Variants in GRK3 observed in about 807,000 individuals in gnomAD.
GRK3 encodes the protein G protein-coupled receptor kinase 3.
A neutral mutation model predicts 95.7 loss-of-function variants in GRK3; 54 were observed. The ratio of observed to expected loss-of-function variants is 0.56; its 90% CI spans 0.45 to 0.71. The LOEUF (loss-of-function observed/expected upper bound fraction) is 0.71, where lower values mean the gene tolerates loss of function less well. GRK3 is among the 30% of genes least tolerant of loss of function. The pLI is 0.00. For synonymous variants in GRK3, 281 were observed against 290.8 expected (o/e 0.97, Z 0.34); for missense variants, 649 against 851.2 (o/e 0.76, Z 2.96).
intron 15 of GRK3, among the ~76,000 whole-genome samples, chr22:25,709,129 C>T (rs926301299): frequency 3.3e-5 from 5 of 152,038 alleles, no homozygotes; most frequent in African/African-American, 1.2e-4. Context: ...GCTCCACCTC[C>T]CGGGTTCACG....
chr22:25,687,698 A>G lies in GRK3; in HGVS notation c.957+31A>G, dbSNP rs767850537. ...GACGATTGACAGACTCATTCTGCAT[A>G]GTAGGTATTGTGTGAATGGTCCTCT... On this transcript the variant is annotated intron_variant, in intron 11 of 20. Coordinates refer to ENST00000324198, the MANE Select transcript of GRK3 (RefSeq NM_005160.4). 5.6e-6 allele frequency: 9 copies of G among 1,612,928 alleles called. No individual in the cohort carries two copies. In the South Asian group the frequency reaches 9.9e-5, roughly 18 times the overall value.
chr22:25,636,520 T>C (rs1031033165), intron 2 of GRK3, among the ~76,000 whole-genome samples: 1 of 152,226 alleles, frequency 6.6e-6, no homozygotes, highest in Non-Finnish European at 1.5e-5. Context: ...TGCTAACTCA[T>C]ACTGCTGTGA....
chr22:25,651,749 G>T (rs1474174346), intron 3 of GRK3, among the ~76,000 whole-genome samples: 1 of 152,158 alleles, frequency 6.6e-6, no homozygotes, highest in Non-Finnish European at 1.5e-5. Context: ...AATAACAATT[G>T]TATAGTAGGG....
intron 2 of GRK3, among the ~76,000 whole-genome samples, chr22:25,624,564 T>TAAAAAC (rs547353306): frequency 9.9e-5 from 15 of 151,986 alleles, no homozygotes; most frequent in African/African-American, 2.7e-4. Flanking sequence ...ACTCCATCAT[T>TAAAAAC]AAAAACAAAA....
At chr22:25,673,255 G>T (rs1204499952) in intron 7 of GRK3, among the ~76,000 whole-genome samples, 2 of 151,760 alleles carry the variant, frequency 1.3e-5, no homozygotes, top group Non-Finnish European at 2.9e-5. Flanking sequence ...GTAGAGATGG[G>T]GTTTCACCGT....
At chr22:25,704,004 A>G (rs1728194799) in intron 14 of GRK3, 105 bp from the exon 15 acceptor site, 1 of 803,656 alleles carries the variant, frequency 1.2e-6, no homozygotes, top group South Asian at 1.9e-5. Flanking sequence ...TGAGGCTGCA[A>G]TTTTTAATAC....
chr22:25,672,218 G>A, intron 6 of GRK3, 78 bp from the exon 7 acceptor site: 1 of 721,490 alleles, frequency 1.4e-6, no homozygotes, highest in Non-Finnish European at 2.3e-6. Flanking sequence ...TGCCGTTCTA[G>A]TCTGTCTTAC....
intron 2 of GRK3, among the ~76,000 whole-genome samples, chr22:25,615,777 C>T (rs897707649): frequency 1.4e-5 from 2 of 145,640 alleles, no homozygotes; most frequent in African/African-American, 2.6e-5. Context: ...AGAAGAGCTG[C>T]GAAGAGAGGC....
At position 25,622,384 on chromosome 22, in the gene GRK3, G is replaced by T. The variant is rs544328938; in HGVS notation, c.190+17931G>T. 6.9e-4 allele frequency among the ~76,000 whole-genome samples: 105 copies of T among 152,338 alleles called. 1 individual carries two copies. The highest frequency in any genetic ancestry group is 2.5e-3 in the African/African-American group (103 of 41,572). ...TGTGCAGTGGGATCGTGAAGAGCCA[G>T]GACCTGAAGGAGACCGAGTAGCGCT... On this transcript the variant is annotated intron_variant, in intron 2 of 20. Coordinates refer to ENST00000324198, the MANE Select transcript of GRK3 (RefSeq NM_005160.4).
In GRK3 at chr22:25,672,306, A is replaced by T; in HGVS notation, c.514A>T (p.Thr172Ser). 1 of 1,447,080 alleles carries T rather than the reference A, an allele frequency of 6.9e-7. No homozygotes were observed. Among genetic ancestry groups the T allele is most frequent in the Non-Finnish European group, 9.6e-7 (1 of 1,045,954 alleles). 89.6% of individuals were successfully genotyped at this position (1,447,080 alleles called of 1,614,324 possible). ...TTTATTCTCTTTTAGTGACAAGTTC[A>T]CTAGATTTTGTCAGTGGAAAAACGT... is the stretch of plus-strand genomic sequence containing the variant. ...FQKFMESDKF[T>S]RFCQWKNVEL... is the part of the protein sequence containing the mutation. Residue 172 changes from threonine to serine, a missense_variant, in exon 7 of 21, where the codon ACT (threonine) becomes TCT (serine). Transcript: ENST00000324198.
chr22:25,596,811 C>A (rs1029590337), intron 1 of GRK3, among the ~76,000 whole-genome samples: 1 of 152,212 alleles, frequency 6.6e-6, no homozygotes, highest in African/African-American at 2.4e-5. Flanking sequence ...GCACTTGATT[C>A]ATGATACTCT....
At chr22:25,700,725 C>A (rs1391778234) in intron 13 of GRK3, among the ~76,000 whole-genome samples, 1 of 152,068 alleles carries the variant, frequency 6.6e-6, no homozygotes, top group Non-Finnish European at 1.5e-5. Flanking sequence ...GTAGCTGGGA[C>A]TACAGGCTCC....
chr22:25,610,501 A>G (rs778366188), intron 2 of GRK3, among the ~76,000 whole-genome samples: 5 of 152,110 alleles, frequency 3.3e-5, no homozygotes, highest in East Asian at 1.9e-4. Flanking sequence ...ACTACTATAT[A>G]CCATTCACCC....
chr22:25,625,999 C>T (rs1280521661), intron 2 of GRK3, among the ~76,000 whole-genome samples: 1 of 152,170 alleles, frequency 6.6e-6, no homozygotes, highest in African/African-American at 2.4e-5. Flanking sequence ...TACCGGTCTC[C>T]GTGCATTGGT....
chr22:25,659,497 G>T (rs941654914), intron 3 of GRK3, among the ~76,000 whole-genome samples: 2 of 152,186 alleles, frequency 1.3e-5, no homozygotes, highest in Non-Finnish European at 2.9e-5. Context: ...AGGGACTACA[G>T]GTCTGTGAAT....
In GRK3 at chr22:25,580,088, C is replaced by A. The variant is rs188085580; in HGVS notation, c.113+14935C>A. 1.1e-4 allele frequency among the ~76,000 whole-genome samples: 17 copies of A among 152,190 alleles called. No individual in the cohort carries two copies. In the East Asian group the frequency reaches 1.9e-3, roughly 17 times the overall value. On this transcript the variant is annotated intron_variant, in intron 1 of 20. Transcript: ENST00000324198. ...AATGGTGGACTTGAATATGATCAAGCCTTTTGAGGTAACTTTCAGTTTATA... is the reference window on the plus strand; with the variant it reads ...AATGGTGGACTTGAATATGATCAAGACTTTTGAGGTAACTTTCAGTTTATA...
At chr22:25,620,603 A>G (rs1249188452) in intron 2 of GRK3, among the ~76,000 whole-genome samples, 2 of 152,106 alleles carry the variant, frequency 1.3e-5, no homozygotes, top group Middle Eastern at 3.2e-3. Context: ...CTCCTACAAC[A>G]TTCCTCCCAG....
At chr22:25,669,269 G>A (rs893468203) in intron 6 of GRK3, among the ~76,000 whole-genome samples, 3 of 152,064 alleles carry the variant, frequency 2.0e-5, no homozygotes, top group African/African-American at 7.2e-5. Context: ...GCAATGCAGG[G>A]ACATGTGCGA....
intron 16 of GRK3, among the ~76,000 whole-genome samples, chr22:25,710,584 C>T (rs2085336136): frequency 1.3e-5 from 2 of 152,166 alleles, no homozygotes; most frequent in Admixed American, 6.5e-5. Flanking sequence ...AGAGAAATGA[C>T]GATTTTCTGT....
Sources: allele counts gnomAD v4.1 joint callset (sites outside exome capture counted in the v4.1 genomes callset), GRCh38; gene constraint gnomAD v4.1.1; transcripts MANE v1.5; gene names NCBI Gene and HGNC (gene_info 2026-07-23, HGNC 2026-07-21).